SGMS1: variants seen among roughly 807,000 people sequenced by gnomAD.
SGMS1 encodes sphingomyelin synthase 1.
A neutral mutation model predicts 46.2 loss-of-function variants in SGMS1; 13 were observed. The observed-to-expected ratio is 0.28, with a 90% CI of 0.18 to 0.45. SGMS1 has a LOEUF of 0.45. Among genes scored for constraint, SGMS1 ranks in the 20% least tolerant of loss-of-function variants. The pLI, the probability that SGMS1 is intolerant of heterozygous loss-of-function variation, is 1.00. For missense variants in SGMS1, 324 were observed against 519.9 expected (o/e 0.62, Z 3.66); for synonymous variants, 203 against 187.8 (o/e 1.08, Z -0.66).
In SGMS1 at chr10:50,412,998, A is replaced by G. The variant is rs377180773; in HGVS notation, c.-232+20478T>C. 2.6e-5 allele frequency among the ~76,000 whole-genome samples: 4 copies of G among 152,306 alleles called. No homozygotes were observed. The East Asian group carries it at 5.8e-4, about 22-fold the overall frequency. On this transcript the variant is annotated intron_variant, in intron 6 of 10. Coordinates refer to ENST00000361781, the MANE Select transcript of SGMS1 (RefSeq NM_147156.4). ...GAAAACAGGAGCCCTTTTATTTTTA[A>G]TATTTTAACTATTAAAAAATCTAAC...
In SGMS1 at chr10:50,306,848, A is replaced by G; in HGVS notation, c.*294T>C. ...ACTTATGATATAAAAGCTTACATTT[A>G]TGCTGCTGCATCATATACAAAGGAA... is the stretch of plus-strand genomic sequence containing the variant. On this transcript the variant is annotated 3_prime_UTR_variant, in exon 11 of 11. Transcript: ENST00000361781. 1 of 250,720 alleles carries G rather than the reference A, an allele frequency of 4.0e-6. No individual in the cohort carries two copies. Among genetic ancestry groups the G allele is most frequent in the East Asian group, 7.5e-5 (1 of 13,388 alleles). The allele number at this position is 250,720 out of a possible 1,614,324, so 15.5% of individuals were successfully genotyped here.
chr10:50,449,462 C>G (rs1308896359), intron 5 of SGMS1, among the ~76,000 whole-genome samples: 4 of 152,124 alleles, frequency 2.6e-5, no homozygotes, highest in Admixed American at 1.3e-4. Flanking sequence ...AGGCTGAGCT[C>G]CACTTTCCTG....
In SGMS1 at chr10:50,344,283, C is replaced by T. The variant is rs1847877151; in HGVS notation, c.-169G>A. ...GGCAGTTTTTAAACACCTCATGTAGCTGTCCAGGGTTCCTGAGCGCCCAAG... is the reference window on the plus strand; with the variant it reads ...GGCAGTTTTTAAACACCTCATGTAGTTGTCCAGGGTTCCTGAGCGCCCAAG... On this transcript the variant is annotated 5_prime_UTR_variant, in exon 7 of 11. Coordinates refer to ENST00000361781, the MANE Select transcript of SGMS1 (RefSeq NM_147156.4). 2.7e-6 allele frequency: 2 copies of T among 749,170 alleles called. No homozygotes were observed. The highest frequency in any genetic ancestry group is 4.5e-5 in the South Asian group (2 of 44,336). The allele number at this position is 749,170 out of a possible 1,614,324, so 46.4% of individuals were successfully genotyped here. A position where few individuals can be genotyped will look rare whatever the true frequency, so the allele number is the denominator to read the frequency against.
intron 6 of SGMS1, among the ~76,000 whole-genome samples, chr10:50,378,603 A>G (rs77110823): frequency 0.015 from 2,274 of 152,270 alleles, 60 homozygotes; most frequent in African/African-American, 0.052. Context: ...ACTTCTATTC[A>G]AGTACCCCAA....
At position 50,568,682 on chromosome 10, in the gene SGMS1, TAA is replaced by T. The variant is rs1838311325; in HGVS notation, c.-589+21469_-589+21470del. 2.0e-5 allele frequency among the ~76,000 whole-genome samples: 3 copies of T among 152,228 alleles called. No individual in the cohort carries two copies. The South Asian group carries it at 6.2e-4, about 32-fold the overall frequency. On this transcript the variant is annotated intron_variant, in intron 2 of 10. Coordinates refer to ENST00000361781, the MANE Select transcript of SGMS1 (RefSeq NM_147156.4). ...AGTGAGACCCCATATCAAAAAAAAG[TAA>T]AGTTTGTTTTGTTAAAAGATAGTAC...
chr10:50,590,038 T>C (rs1462694721), intron 2 of SGMS1, 115 bp downstream of exon 2: 1 of 152,306 alleles, frequency 6.6e-6, no homozygotes, highest in Non-Finnish European at 1.5e-5. Context: ...AAAATGCTAA[T>C]AACTGTTAAA....
At chr10:50,497,192 C>A (rs1326598527) in intron 3 of SGMS1, among the ~76,000 whole-genome samples, 1 of 152,196 alleles carries the variant, frequency 6.6e-6, no homozygotes, top group Non-Finnish European at 1.5e-5. Context: ...AATAGGGTAG[C>A]CTTGACAGAT....
At chr10:50,472,065 C>T (rs1489022960) in intron 3 of SGMS1, among the ~76,000 whole-genome samples, 2 of 151,920 alleles carry the variant, frequency 1.3e-5, no homozygotes, top group African/African-American at 4.8e-5. Flanking sequence ...TATATTTATT[C>T]ATTATTTTCT....
At chr10:50,535,345 G>C (rs989357786) in intron 2 of SGMS1, among the ~76,000 whole-genome samples, 1 of 152,044 alleles carries the variant, frequency 6.6e-6, no homozygotes, top group Non-Finnish European at 1.5e-5. Flanking sequence ...AAATGCTGCT[G>C]CAAGTATTTC....
At chr10:50,403,699 A>G (rs1391811752) in intron 6 of SGMS1, among the ~76,000 whole-genome samples, 2 of 150,912 alleles carry the variant, frequency 1.3e-5, no homozygotes, top group South Asian at 4.3e-4. Context: ...AAGAGGCTCA[A>G]TACACTGATG....
intron 5 of SGMS1, among the ~76,000 whole-genome samples, chr10:50,447,005 A>C (rs1837026883): frequency 6.6e-6 from 1 of 152,190 alleles, no homozygotes; most frequent in Non-Finnish European, 1.5e-5. Context: ...CATTTTTGAA[A>C]TATATACCCA....
intron 2 of SGMS1, among the ~76,000 whole-genome samples, chr10:50,577,297 T>G (rs1049770571): frequency 1.3e-5 from 2 of 152,140 alleles, no homozygotes; most frequent in Admixed American, 6.5e-5. Context: ...CTCTTAGCAA[T>G]AAAAACCCTT....
chr10:50,356,427 G>C (rs958236284), intron 6 of SGMS1, among the ~76,000 whole-genome samples: 10 of 152,106 alleles, frequency 6.6e-5, no homozygotes, highest in Admixed American at 6.5e-4. Context: ...TGCGGAAGGC[G>C]GAAGGCGGCA....
At chr10:50,482,204 C>T (rs971281071) in intron 3 of SGMS1, among the ~76,000 whole-genome samples, 2 of 152,086 alleles carry the variant, frequency 1.3e-5, no homozygotes, top group African/African-American at 4.8e-5. Flanking sequence ...AGATCAACCC[C>T]AAGACACATA....
chr10:50,547,202 A>G (rs1300994645), intron 2 of SGMS1, among the ~76,000 whole-genome samples: 2 of 152,230 alleles, frequency 1.3e-5, no homozygotes, highest in Non-Finnish European at 2.9e-5. Flanking sequence ...TTAAATAACA[A>G]AAAAGGACTC....
At chr10:50,338,826 G>T (rs2461913) in intron 7 of SGMS1, among the ~76,000 whole-genome samples, 39 of 150,624 alleles carry the variant, frequency 2.6e-4, no homozygotes, top group Middle Eastern at 3.4e-3. Context: ...TGCAACCTCC[G>T]CCTCCTGGGT....
At chr10:50,562,349 T>TGC (rs1361847988) in intron 2 of SGMS1, among the ~76,000 whole-genome samples, 2 of 64,692 alleles carry the variant, frequency 3.1e-5, no homozygotes, top group Non-Finnish European at 8.0e-5. Flanking sequence ...TGTGTGTGTG[T>TGC]GTGTGTGCGC....
At chr10:50,579,602 C>T (rs1231658027) in intron 2 of SGMS1, among the ~76,000 whole-genome samples, 1 of 152,176 alleles carries the variant, frequency 6.6e-6, no homozygotes, top group East Asian at 1.9e-4. Flanking sequence ...CTTCACCATT[C>T]TGAAGCTCAG....
At chr10:50,314,791 T>C (rs1847312603) in intron 8 of SGMS1, among the ~76,000 whole-genome samples, 1 of 152,076 alleles carries the variant, frequency 6.6e-6, no homozygotes, top group African/African-American at 2.4e-5. Context: ...TGTGGTGGCA[T>C]GTGCCTGTAG....
Sources: gnomAD v4.1 joint callset for allele counts (sites outside exome capture counted in the v4.1 genomes callset) on GRCh38, gnomAD v4.1.1 for gene constraint, MANE v1.5 for transcripts, NCBI Gene and HGNC (gene_info 2026-07-23, HGNC 2026-07-21) for gene names.